Variants in FREM2 observed in about 807,000 individuals in gnomAD.
The protein encoded by FREM2 is FRAS1 related extracellular matrix 2, also known as FRAS1-related extracellular matrix protein 2.
Under a neutral mutation model 219.9 loss-of-function variants are expected in FREM2, and 119 were observed. The ratio of observed to expected loss-of-function variants is 0.54; its 90% CI spans 0.47 to 0.63. FREM2 has a LOEUF of 0.63. FREM2 is among the 30% of genes least tolerant of loss of function. The pLI is 0.00. For missense variants in FREM2, 4,030 were observed against 3,993.6 expected (o/e 1.01, Z -0.25); for synonymous variants, 1,562 against 1,522.8 (o/e 1.03, Z -0.60).
Position 38,687,839 on chromosome 13 carries a change from GCTA to G in FREM2, c.497_499del (p.Leu166del). 1.3e-6 allele frequency: 2 copies of G among 1,558,180 alleles called. No homozygotes were observed. Among genetic ancestry groups the G allele is most frequent in the Non-Finnish European group, 8.7e-7 (1 of 1,147,782 alleles). On this transcript the variant is annotated inframe_deletion, in exon 1 of 24. Coordinates refer to ENST00000280481, the MANE Select transcript of FREM2 (RefSeq NM_207361.6). ...ATGACGCGCCCGGAGGGGCAGTAGT[GCTA>G]CCACTGGTACTGGAGGTGGAGGTGG...
chr13:38,826,160 G>C (rs1876276453), intron 6 of FREM2, among the ~76,000 whole-genome samples: 1 of 152,196 alleles, frequency 6.6e-6, no homozygotes, highest in Admixed American at 6.6e-5. Flanking sequence ...TGTTGAATGA[G>C]AGAAATAGCT....
In FREM2 at chr13:38,692,370, G is replaced by A; in HGVS notation, c.5026G>A (p.Gly1676Arg). ...TLRTLATGHL[G>R]FMITSKILKV... ...TCGCACTCTAGCCACTGGCCACTTGGGGTTCATGATCACAAGCAAAATATT... is the reference window on the plus strand; with the variant it reads ...TCGCACTCTAGCCACTGGCCACTTGAGGTTCATGATCACAAGCAAAATATT... The change falls in exon 1 of 24, where the codon GGG becomes AGG. Residue 1676 changes from glycine (G) to arginine (R), a missense_variant. Physicochemically the swap from Gly to Arg is moderately radical, Grantham distance 125 (BLOSUM62 -2). Around this residue, in one of 2 missense-constraint regions of FREM2, gnomAD observed 3,102 missense variants for 2,950.7 expected, o/e 1.05. Transcript: ENST00000280481. 6.2e-7 allele frequency: 1 copy of A among 1,607,318 alleles called. No homozygotes were observed. The highest frequency in any genetic ancestry group is 2.2e-5 in the East Asian group (1 of 44,782).
chr13:38,712,675 CAA>C (rs1491324124), intron 2 of FREM2, among the ~76,000 whole-genome samples: 15 of 139,684 alleles, frequency 1.1e-4, no homozygotes, highest in East Asian at 1.0e-3. Context: ...CACACACACA[CAA>C]ACACACACAC....
Position 38,864,517 on chromosome 13 carries a change from C to A in FREM2, c.7894C>A (p.Leu2632Ile). The A allele has an allele frequency of 6.2e-7, 1 of 1,614,222 alleles. No homozygotes were observed. The highest frequency in any genetic ancestry group is 8.5e-7 in the Non-Finnish European group (1 of 1,180,046). ...TTLRFYRNLNLEACLWEFVSY... is the reference protein window; with the variant it reads ...TTLRFYRNLNIEACLWEFVSY... ...CTTGCGCTTCTACCGGAACCTGAAC[C>A]TAGAGGCCTGTTTATGGGAGTTCGT... is the stretch of plus-strand genomic sequence containing the variant. The change falls in exon 16 of 24, where the codon CTA becomes ATA. Residue 2632 changes from leucine to isoleucine, a missense_variant. Coordinates refer to ENST00000280481, the MANE Select transcript of FREM2 (RefSeq NM_207361.6).
intron 4 of FREM2, 59 bp from the exon 5 acceptor site, chr13:38,783,011 T>C: frequency 6.3e-7 from 1 of 1,591,900 alleles, no homozygotes. Context: ...TCTGTATGAT[T>C]GTTTCAGAGG....
intron 3 of FREM2, among the ~76,000 whole-genome samples, chr13:38,769,174 T>C (rs1873554983): frequency 6.6e-6 from 1 of 152,208 alleles, no homozygotes; most frequent in African/African-American, 2.4e-5. Context: ...TTATATTTTA[T>C]AGTTAGAGAA....
chr13:38,687,174 G>A lies in FREM2; in HGVS notation c.-171G>A. On this transcript the variant is annotated 5_prime_UTR_variant, in exon 1 of 24. Coordinates refer to ENST00000280481, the MANE Select transcript of FREM2 (RefSeq NM_207361.6). ...GGCTCCTCGGCTGCGGCTCCAGCCC[G>A]GACGGCGCCGCGCAACTTTGCCATC... 1.1e-6 allele frequency: 1 copy of A among 915,454 alleles called. No individual in the cohort carries two copies. The highest frequency in any genetic ancestry group is 1.7e-6 in the Non-Finnish European group (1 of 605,304). 56.7% of individuals were successfully genotyped at this position (915,454 alleles called of 1,614,324 possible).
chr13:38,774,499 A>G (rs778071299), intron 4 of FREM2, among the ~76,000 whole-genome samples: 3 of 152,208 alleles, frequency 2.0e-5, no homozygotes, highest in Non-Finnish European at 4.4e-5. Context: ...ACTGGAGCCC[A>G]TAGAAGGAGT....
chr13:38,788,471 G>T (rs561720982), intron 6 of FREM2, among the ~76,000 whole-genome samples: 73 of 152,234 alleles, frequency 4.8e-4, no homozygotes, highest in Middle Eastern at 3.4e-3. Flanking sequence ...ACTAAATGAT[G>T]ATTTATAGCA....
intron 6 of FREM2, among the ~76,000 whole-genome samples, chr13:38,826,099 C>T (rs1162956276): frequency 6.6e-6 from 1 of 152,082 alleles, no homozygotes; most frequent in Non-Finnish European, 1.5e-5. Context: ...GAAGCACCTA[C>T]TATCCTTCCA....
intron 2 of FREM2, among the ~76,000 whole-genome samples, chr13:38,741,217 C>T (rs1458712456): frequency 6.6e-6 from 1 of 152,134 alleles, no homozygotes; most frequent in Non-Finnish European, 1.5e-5. Context: ...GCCAATATGA[C>T]CACAAGAGGC....
chr13:38,822,416 C>T (rs1876102623), intron 6 of FREM2, among the ~76,000 whole-genome samples: 1 of 149,952 alleles, frequency 6.7e-6, no homozygotes, highest in East Asian at 2.0e-4. Flanking sequence ...GAGCACACTC[C>T]CTGCCAGAGA....
At position 38,746,644 on chromosome 13, in the gene FREM2, A is replaced by C. The variant is rs557767098; in HGVS notation, c.5264-17660A>C. Among the ~76,000 whole-genome samples, 13 of 152,268 alleles carry C rather than the reference A, an allele frequency of 8.5e-5. No homozygotes were observed. The East Asian group carries it at 2.3e-3, about 27-fold the overall frequency. On this transcript the variant is annotated intron_variant, in intron 2 of 23. Coordinates refer to ENST00000280481, the MANE Select transcript of FREM2 (RefSeq NM_207361.6). Reference sequence around the variant, plus strand: ...GCCTCATTTATAGGAAACCTTGAAAAGATAAGCTTATGCATTTTTTAGGCT... The same window carrying C: ...GCCTCATTTATAGGAAACCTTGAAACGATAAGCTTATGCATTTTTTAGGCT...
intron 2 of FREM2, among the ~76,000 whole-genome samples, chr13:38,757,723 T>C (rs146770834): frequency 6.1e-4 from 93 of 152,106 alleles, no homozygotes; most frequent in African/African-American, 2.1e-3. Flanking sequence ...GCCTCCTGAG[T>C]AGCTGGGATT....
chr13:38,861,168 A>G (rs534093977), intron 14 of FREM2, among the ~76,000 whole-genome samples: 1 of 152,350 alleles, frequency 6.6e-6, no homozygotes, highest in South Asian at 2.1e-4. Context: ...GCACACATTA[A>G]GTTACATTGA....
At chr13:38,798,498 T>C (rs535881972) in intron 6 of FREM2, among the ~76,000 whole-genome samples, 2 of 152,230 alleles carry the variant, frequency 1.3e-5, no homozygotes, top group South Asian at 4.1e-4. Flanking sequence ...TTTGGAAGTA[T>C]TCCTTCTTTA....
intron 2 of FREM2, among the ~76,000 whole-genome samples, chr13:38,760,411 A>C (rs901531247): frequency 2.6e-5 from 4 of 152,182 alleles, no homozygotes; most frequent in African/African-American, 9.7e-5. Context: ...CCTGAAAATA[A>C]TTTTTACAGA....
At chr13:38,838,141 G>A (rs1876794720) in intron 6 of FREM2, among the ~76,000 whole-genome samples, 1 of 152,066 alleles carries the variant, frequency 6.6e-6, no homozygotes, top group African/African-American at 2.4e-5. Context: ...AGGAGCTCCG[G>A]TAAGGCAGGC....
chr13:38,772,187 A>C lies in FREM2; in HGVS notation c.5641+2379A>C, dbSNP rs559867043. On this transcript the variant is annotated intron_variant, in intron 4 of 23. Coordinates refer to ENST00000280481, the MANE Select transcript of FREM2 (RefSeq NM_207361.6). ...CAAAATTAAAACAAATTTAAAAATT[A>C]AAATTTTACATTAAAAATTTATCCA... Among the ~76,000 whole-genome samples, 495 of 152,330 alleles carry C rather than the reference A, an allele frequency of 3.2e-3. 5 individuals are homozygous for C. The highest frequency in any genetic ancestry group is 3.2e-3 in the Non-Finnish European group (220 of 68,034).
Sources: allele counts gnomAD v4.1 joint callset (sites outside exome capture counted in the v4.1 genomes callset), GRCh38; gene constraint gnomAD v4.1.1; regional missense constraint gnomAD v4.1.1; transcripts MANE v1.5; gene names NCBI Gene and HGNC (gene_info 2026-07-23, HGNC 2026-07-21).